Variants in FRMD3 observed in about 807,000 individuals in gnomAD.
FRMD3 encodes the protein FERM domain containing 3.
A neutral mutation model predicts 70.2 loss-of-function variants in FRMD3; 33 were observed. That is an observed-to-expected ratio of 0.47 (90% CI 0.36 to 0.63). The LOEUF is 0.63. Ranked by LOEUF, FRMD3 falls within the 20% of genes least tolerant of loss-of-function variation. The probability of loss-of-function intolerance (pLI) is 0.00; values close to 1 mark genes in which losing one functional copy is unlikely to be tolerated. For missense variants in FRMD3, 632 were observed against 711.4 expected (o/e 0.89, Z 1.27); for synonymous variants, 279 against 255.9 (o/e 1.09, Z -0.86).
chr9:83,331,844 C>A (rs757420691), intron 6 of FRMD3: 167 of 717,330 alleles, frequency 2.3e-4, no homozygotes, highest in Middle Eastern at 1.4e-3. Context: ...GTTTCCAGCT[C>A]CTATTACCTT....
At chr9:83,243,089 G>A (rs770618604), downstream of FRMD3, 65 of 1,002,470 alleles carry the variant, frequency 6.5e-5, no homozygotes, top group South Asian at 3.7e-4. Flanking sequence ...GACGGCTGCC[G>A]AGCCCACTGG....
chr9:83,510,425 C>T (rs758081684), intron 1 of FRMD3, among the ~76,000 whole-genome samples: 9 of 152,104 alleles, frequency 5.9e-5, no homozygotes, highest in African/African-American at 1.7e-4. Flanking sequence ...GCATGGCTGG[C>T]GGGTAAGGTA....
At chr9:83,363,824 G>A (rs1197758275) in intron 3 of FRMD3, among the ~76,000 whole-genome samples, 1 of 152,134 alleles carries the variant, frequency 6.6e-6, no homozygotes, top group African/African-American at 2.4e-5. Context: ...AAAGTACTGG[G>A]ATTACAGGCG....
chr9:83,432,857 A>AGT (rs1428770538), intron 1 of FRMD3, among the ~76,000 whole-genome samples: 1 of 152,220 alleles, frequency 6.6e-6, no homozygotes, highest in Non-Finnish European at 1.5e-5. Flanking sequence ...TCACCCAAGT[A>AGT]GTGTACATTG....
chr9:83,343,452 G>A (rs975548183), intron 4 of FRMD3, among the ~76,000 whole-genome samples, 165 bp from the exon 5 acceptor site: 6 of 151,952 alleles, frequency 3.9e-5, no homozygotes, highest in African/African-American at 1.5e-4. Flanking sequence ...AAGCTGAGAG[G>A]GGCCCTCTGA....
chr9:83,558,226 A>T, the FRMD3 span, among the ~76,000 whole-genome samples: 1 of 152,070 alleles, frequency 6.6e-6, no homozygotes, highest in South Asian at 2.1e-4. Flanking sequence ...AAAATTAAAA[A>T]TTTTTTGAAT....
intron 1 of FRMD3, among the ~76,000 whole-genome samples, chr9:83,436,499 C>T (rs1162786240): frequency 1.6e-5 from 2 of 128,020 alleles, no homozygotes; most frequent in Non-Finnish European, 3.2e-5. Context: ...TGTCTGCATG[C>T]ACAAGAGATC....
At chr9:83,502,906 C>T in intron 1 of FRMD3, among the ~76,000 whole-genome samples, 1 of 152,228 alleles carries the variant, frequency 6.6e-6, no homozygotes, top group African/African-American at 2.4e-5. Flanking sequence ...ATGCCAACTG[C>T]CTCTCTGGAA....
chr9:83,257,535 C>A (rs1832771913), intron 13 of FRMD3, among the ~76,000 whole-genome samples: 1 of 152,042 alleles, frequency 6.6e-6, no homozygotes, highest in Non-Finnish European at 1.5e-5. Context: ...GAAAAAAAAT[C>A]TTGAGTGTAA....
chr9:83,366,318 C>T (rs1587778182), intron 3 of FRMD3, among the ~76,000 whole-genome samples: 1 of 152,134 alleles, frequency 6.6e-6, no homozygotes, highest in African/African-American at 2.4e-5. Context: ...CGCCTGTAAT[C>T]CCAGCACTTT....
intron 1 of FRMD3, among the ~76,000 whole-genome samples, chr9:83,390,580 T>C (rs1291562304): frequency 1.3e-5 from 2 of 152,220 alleles, no homozygotes; most frequent in African/African-American, 4.8e-5. Context: ...GACTAGATTA[T>C]TTCTAAGTTA....
intron 13 of FRMD3, among the ~76,000 whole-genome samples, chr9:83,285,157 C>T (rs572422518): frequency 1.3e-5 from 2 of 152,334 alleles, no homozygotes; most frequent in South Asian, 4.1e-4. Context: ...CTGTAAGCAA[C>T]CCTTTAAACA....
Position 83,494,757 on chromosome 9 carries a change from G to A in FRMD3, c.147+43328C>T, listed in dbSNP as rs559286878. Among the ~76,000 whole-genome samples the A allele has an allele frequency of 2.6e-4, 39 of 152,050 alleles. 4 individuals carry two copies. The highest frequency in any genetic ancestry group is 9.2e-4 in the African/African-American group (38 of 41,480). ...CTGTCTCAACAACAACAAAAAAAATGTTTTAACTAGCTGGGCATAGTGGCA... is the reference window on the plus strand; with the variant it reads ...CTGTCTCAACAACAACAAAAAAAATATTTTAACTAGCTGGGCATAGTGGCA... On this transcript the variant is annotated intron_variant, in intron 1 of 13. Coordinates refer to ENST00000304195, the MANE Select transcript of FRMD3 (RefSeq NM_174938.6).
chr9:83,328,181 T>TAAAA (rs373851850), intron 6 of FRMD3, among the ~76,000 whole-genome samples: 1 of 143,358 alleles, frequency 7.0e-6, no homozygotes, highest in Admixed American at 6.9e-5. Flanking sequence ...TCCTTATCTG[T>TAAAA]AAAAAAAAAA....
intron 13 of FRMD3, among the ~76,000 whole-genome samples, chr9:83,250,779 C>A (rs1269358001): frequency 6.6e-6 from 1 of 152,200 alleles, no homozygotes; most frequent in African/African-American, 2.4e-5. Flanking sequence ...GACCCCAATC[C>A]ATTTCTCCTC....
chr9:83,555,304 G>A, the FRMD3 span, among the ~76,000 whole-genome samples: 1 of 152,014 alleles, frequency 6.6e-6, no homozygotes, highest in Non-Finnish European at 1.5e-5. Flanking sequence ...GCTGTTGGCT[G>A]GAGAGCTTGG....
At chr9:83,535,150 C>T (rs1434278942) in intron 1 of FRMD3, among the ~76,000 whole-genome samples, 1 of 152,110 alleles carries the variant, frequency 6.6e-6, no homozygotes, top group Non-Finnish European at 1.5e-5. Context: ...GGAATAATAC[C>T]TACTCAAAGG....
At chr9:83,511,511 T>C (rs1413198819) in intron 1 of FRMD3, among the ~76,000 whole-genome samples, 2 of 152,080 alleles carry the variant, frequency 1.3e-5, no homozygotes, top group Non-Finnish European at 2.9e-5. Context: ...CAAAATATGA[T>C]ACCATAAAAA....
At chr9:83,244,129 C>CATCT (rs1483055934), downstream of FRMD3, among the ~76,000 whole-genome samples, 1 of 89,598 alleles carries the variant, frequency 1.1e-5, no homozygotes, top group African/African-American at 2.9e-5. Flanking sequence ...ACTCCATCAT[C>CATCT]ATCTCAAAAA....
Sources: allele counts gnomAD v4.1 joint callset (sites outside exome capture counted in the v4.1 genomes callset), GRCh38; gene constraint gnomAD v4.1.1; transcripts MANE v1.5; gene names NCBI Gene and HGNC (gene_info 2026-07-23, HGNC 2026-07-21).